Variants in SPAG6 observed in about 807,000 individuals in gnomAD.
SPAG6 encodes sperm-associated antigen 6.
A neutral mutation model predicts 58.5 loss-of-function variants in SPAG6; 49 were observed. The ratio of observed to expected loss-of-function variants is 0.84; its 90% CI spans 0.67 to 1.06. The LOEUF (loss-of-function observed/expected upper bound fraction) is 1.06. SPAG6 is among the 50% of genes least tolerant of loss of function. The pLI, the probability that SPAG6 is intolerant of heterozygous loss-of-function variation, is 0.00. For missense variants in SPAG6, 560 were observed against 611.3 expected (o/e 0.92, Z 0.89); for synonymous variants, 233 against 225.6 (o/e 1.03, Z -0.29).
chr10:22,359,344 A>G (rs938784768), intron 2 of SPAG6: 5 of 371,886 alleles, frequency 1.3e-5, no homozygotes, highest in Non-Finnish European at 1.9e-5. Context: ...TTGAATTTTT[A>G]AAGCTTTGTA....
At chr10:22,352,874 T>G (rs1200613420) in intron 2 of SPAG6, among the ~76,000 whole-genome samples, 3 of 152,154 alleles carry the variant, frequency 2.0e-5, no homozygotes, top group Admixed American at 6.6e-5. Flanking sequence ...ATATGAAATT[T>G]CAGGAAAAAA....
At position 22,345,871 on chromosome 10, in the gene SPAG6, C is replaced by T; in HGVS notation, c.121+53C>T. The T allele has an allele frequency of 2.5e-6, 4 of 1,584,258 alleles. No individual in the cohort carries two copies. In the South Asian group the frequency reaches 3.4e-5, roughly 14 times the overall value. ...CCCCCCGCGCACTGAGTCCCCGACG[C>T]CTCCGCCCCGCTGCCCTGCCCGTGG... On this transcript the variant is annotated intron_variant, in intron 2 of 10. Coordinates refer to ENST00000376624, the MANE Select transcript of SPAG6 (RefSeq NM_012443.4). The surrounding 1 kb of genome is among the most constrained non-coding windows in gnomAD (Gnocchi z 6.3).
At chr10:22,358,341 G>A (rs879604058) in intron 2 of SPAG6, among the ~76,000 whole-genome samples, 1,898 of 150,950 alleles carry the variant, frequency 0.013, 20 homozygotes, top group Admixed American at 0.023. Context: ...GCCAGTGATG[G>A]TGAGCATTTT....
intron 2 of SPAG6, among the ~76,000 whole-genome samples, chr10:22,353,906 C>G (rs185361356): frequency 6.6e-6 from 1 of 152,130 alleles, no homozygotes; most frequent in South Asian, 2.1e-4. Flanking sequence ...GTAGAGGGAA[C>G]GTTATGTGTA....
intron 10 of SPAG6, among the ~76,000 whole-genome samples, chr10:22,415,071 C>T (rs7073377): frequency 0.17 from 25,361 of 152,006 alleles, 6,335 homozygotes; most frequent in African/African-American, 0.55. Context: ...CGGCCCATAC[C>T]AGCCATTTTT....
rs1357881700 is a variant in SPAG6, at chr10:22,391,990, T to C, written c.1197+70T>C. ...AAATATGTCATTTCAAATCTCTTTG[T>C]TTTCATCATGGACAATATTGTTTTA... On this transcript the variant is annotated intron_variant, in intron 8 of 10. Transcript: ENST00000376624. The C allele has an allele frequency of 3.0e-6, 3 of 1,001,490 alleles. No individual in the cohort carries two copies. In the African/African-American group the frequency reaches 4.9e-5, roughly 16 times the overall value. 62.0% of individuals were successfully genotyped at this position (1,001,490 alleles called of 1,614,324 possible).
chr10:22,406,681 C>T (rs1013674314), intron 9 of SPAG6, among the ~76,000 whole-genome samples: 5 of 152,166 alleles, frequency 3.3e-5, no homozygotes, highest in African/African-American at 1.2e-4. Flanking sequence ...GAGTTCAATT[C>T]CTGGGTTTCC....
At position 22,391,927 on chromosome 10, in the gene SPAG6, G is replaced by A. The variant is rs1345933124; in HGVS notation, c.1197+7G>A. On this transcript the variant is annotated splice_region_variant and intron_variant, in intron 8 of 10. Transcript: ENST00000376624. Reference sequence around the variant, plus strand: ...TGAGGATCTCCAAGTAAAAGTAAGTGCTTAATTCTGTTTTATGAAGATTTT... The same window carrying A: ...TGAGGATCTCCAAGTAAAAGTAAGTACTTAATTCTGTTTTATGAAGATTTT... 9 of 1,593,512 alleles carry A rather than the reference G, an allele frequency of 5.6e-6. No individual in the cohort carries two copies. The highest frequency in any genetic ancestry group is 7.7e-6 in the Non-Finnish European group (9 of 1,165,986).
intron 8 of SPAG6, among the ~76,000 whole-genome samples, chr10:22,399,148 A>G (rs979385372): frequency 1.3e-5 from 2 of 152,186 alleles, no homozygotes; most frequent in Non-Finnish European, 1.5e-5. Flanking sequence ...AACTTTATTG[A>G]GATATAATTT....
In SPAG6 at chr10:22,389,305, T is replaced by C; in HGVS notation, c.998T>C (p.Ile333Thr). ...GAGAACCTAGCAATGGCAGTCATCA[T>C]TTCTAAGGTTTGTTCTTGCTTCGTT... is the stretch of plus-strand genomic sequence containing the variant. ...HSENLAMAVI[I>T]SKGVPQLSVC... The change falls in exon 7 of 11, where the codon ATT becomes ACT. Residue 333 changes from isoleucine (I) to threonine (T), a missense_variant. By Grantham distance (89) the Ile-to-Thr change is moderately conservative. Coordinates refer to ENST00000376624, the MANE Select transcript of SPAG6 (RefSeq NM_012443.4). 6.2e-7 allele frequency: 1 copy of C among 1,611,652 alleles called. No homozygotes were observed. Among genetic ancestry groups the C allele is most frequent in the Non-Finnish European group, 8.5e-7 (1 of 1,179,330 alleles).
intron 9 of SPAG6, among the ~76,000 whole-genome samples, chr10:22,407,008 T>C (rs1242984070): frequency 2.0e-5 from 3 of 152,108 alleles, no homozygotes; most frequent in Admixed American, 6.6e-5. Context: ...TCCTCCATCC[T>C]TTTATTTTGA....
intron 10 of SPAG6, chr10:22,412,300 A>C: frequency 1.8e-6 from 1 of 557,382 alleles, no homozygotes; most frequent in South Asian, 2.4e-5. Flanking sequence ...ATGCTGTAAC[A>C]TATACTTACG....
At chr10:22,356,547 A>G (rs1189636739) in intron 2 of SPAG6, among the ~76,000 whole-genome samples, 1 of 152,218 alleles carries the variant, frequency 6.6e-6, no homozygotes, top group Non-Finnish European at 1.5e-5. Flanking sequence ...TAAACTTCTT[A>G]GCTTTATCTC....
chr10:22,387,673 G>A, intron 5 of SPAG6, 150 bp from the exon 6 acceptor site: 1 of 655,088 alleles, frequency 1.5e-6, no homozygotes, highest in Non-Finnish European at 2.3e-6. Flanking sequence ...AATGTCTCAA[G>A]ACTCAGAAAT....
chr10:22,394,184 A>G (rs941662254), intron 8 of SPAG6, among the ~76,000 whole-genome samples: 2 of 152,168 alleles, frequency 1.3e-5, no homozygotes, highest in Non-Finnish European at 2.9e-5. Context: ...CTCACATTCT[A>G]TAGATTTTCT....
At chr10:22,412,469 TTG>T (rs1564383468) in intron 10 of SPAG6, 2 of 1,531,364 alleles carry the variant, frequency 1.3e-6, no homozygotes, top group Admixed American at 2.0e-5. Flanking sequence ...AGTTGCAAGT[TTG>T]TGCACTTTTT....
intron 10 of SPAG6, among the ~76,000 whole-genome samples, chr10:22,412,053 G>T (rs565902613): frequency 5.3e-4 from 80 of 152,108 alleles, no homozygotes; most frequent in African/African-American, 1.8e-3. Flanking sequence ...GTTTCACCGT[G>T]TTAGCCAGGT....
chr10:22,390,981 C>T (rs892473035), intron 7 of SPAG6, among the ~76,000 whole-genome samples: 13 of 152,252 alleles, frequency 8.5e-5, no homozygotes, highest in African/African-American at 3.1e-4. Context: ...TACACCTGTA[C>T]AGAATTTGGA....
intron 9 of SPAG6, among the ~76,000 whole-genome samples, chr10:22,402,171 A>G (rs1050953087): frequency 2.6e-5 from 4 of 152,210 alleles, no homozygotes; most frequent in Non-Finnish European, 5.9e-5. Context: ...ATTGTATGCT[A>G]AGCATTTAGC....
Sources: allele counts gnomAD v4.1 joint callset (sites outside exome capture counted in the v4.1 genomes callset), GRCh38; gene constraint gnomAD v4.1.1; non-coding constraint Gnocchi (gnomAD v3.1); transcripts MANE v1.5; gene names NCBI Gene and HGNC (gene_info 2026-07-23, HGNC 2026-07-21).